Variants in CRMP1 observed in about 807,000 individuals in gnomAD.
CRMP1 encodes the protein collapsin response mediator protein 1.
CRMP1 carries 19 observed loss-of-function variants against 68.3 expected under a neutral mutation model. That is an observed-to-expected ratio of 0.28 (90% CI 0.19 to 0.41). The LOEUF is 0.41. Ranked by LOEUF, CRMP1 falls within the 10% of genes least tolerant of loss-of-function variation. The pLI, the probability that CRMP1 is intolerant of heterozygous loss-of-function variation, is 1.00. For missense variants in CRMP1, 791 were observed against 967.4 expected (o/e 0.82, Z 2.42); for synonymous variants, 439 against 399.6 (o/e 1.10, Z -1.18).
intron 13 of CRMP1, chr4:5,824,149 A>G (rs1038609876): frequency 4.9e-5 from 12 of 243,474 alleles, no homozygotes; most frequent in East Asian, 1.8e-4. Context: ...TTTAATTGCA[A>G]TTGTGCAGTG....
Position 5,866,451 on chromosome 4 carries a change from G to A in CRMP1, c.470+217C>T, listed in dbSNP as rs571964992. On this transcript the variant is annotated intron_variant, in intron 2 of 13. Coordinates refer to ENST00000324989, the MANE Select transcript of CRMP1 (RefSeq NM_001014809.3). This position sits in a 1 kb window ranked among gnomAD's most constrained non-coding sequence, Gnocchi z 5.9. ...TTGCAAGAGAGGAGCTGCCTCAGCC[G>A]TGTGGCAGGGAGCCTAGCCCGGGGG... is the stretch of plus-strand genomic sequence containing the variant. Among the ~76,000 whole-genome samples the A allele has an allele frequency of 5.9e-5, 9 of 152,220 alleles. No individual in the cohort carries two copies. In the South Asian group the frequency reaches 8.3e-4, roughly 14 times the overall value.
intron 5 of CRMP1, 129 bp from the exon 6 acceptor site, chr4:5,849,601 C>G: frequency 1.6e-6 from 1 of 630,550 alleles, no homozygotes; most frequent in East Asian, 2.8e-5. Context: ...CAAACACATT[C>G]ATGTGGATGG....
Position 5,841,237 on chromosome 4 carries a change from G to A in CRMP1, c.1153+71C>T, listed in dbSNP as rs1050844414. 5.6e-6 allele frequency: 9 copies of A among 1,611,954 alleles called. No homozygotes were observed. Among genetic ancestry groups the A allele is most frequent in the African/African-American group, 2.7e-5 (2 of 74,860 alleles). On this transcript the variant is annotated intron_variant, in intron 8 of 13. Transcript: ENST00000324989. This position sits in a 1 kb window ranked among gnomAD's most constrained non-coding sequence, Gnocchi z 6.9. The stretch of plus-strand genomic sequence containing the variant: ...TGCCTGTCTGAGTTCGGGAGGGAGT[G>A]AACTTGAACCTGCAGGACACCCCCT...
At chr4:5,874,024 T>C (rs1389806886) in intron 1 of CRMP1, among the ~76,000 whole-genome samples, 2 of 152,230 alleles carry the variant, frequency 1.3e-5, no homozygotes, top group Non-Finnish European at 2.9e-5. Flanking sequence ...CGTCTTTATC[T>C]TCTCCTCAAA....
intron 1 of CRMP1, among the ~76,000 whole-genome samples, chr4:5,875,729 G>A (rs1016524724): frequency 5.1e-5 from 5 of 97,772 alleles, no homozygotes; most frequent in East Asian, 4.2e-4. Context: ...GGTGCTGTCC[G>A]CGGTCCTGAA....
Position 5,828,635 on chromosome 4 carries a change from A to T in CRMP1, c.1657T>A (p.Cys553Ser). Reference protein sequence around the residue: ...VEYNIFEGMECHGSPLVVISQ... With the variant: ...VEYNIFEGMESHGSPLVVISQ... ...ATGACCACTAGTGGGGAGCCGTGGC[A>T]CTCCATACCCTCGAAGATGTTGTAC... The change falls in exon 12 of 14, where the codon TGC becomes AGC. Residue 553 changes from cysteine to serine, a missense_variant. Physicochemically the swap from Cys to Ser is moderately radical, Grantham distance 112. Transcript: ENST00000324989. The T allele has an allele frequency of 6.2e-7, 1 of 1,613,944 alleles. No homozygotes were observed. Among genetic ancestry groups the T allele is most frequent in the African/African-American group, 1.3e-5 (1 of 74,980 alleles).
chr4:5,833,797 C>A (rs1720540750), intron 11 of CRMP1, among the ~76,000 whole-genome samples: 1 of 152,136 alleles, frequency 6.6e-6, no homozygotes, highest in African/African-American at 2.4e-5. Flanking sequence ...GTAATCCCAG[C>A]ACTTTGGGAG....
chr4:5,828,797 CTT>C (rs1720091899), intron 11 of CRMP1, 129 bp from the exon 12 acceptor site: 5 of 1,118,276 alleles, frequency 4.5e-6, no homozygotes, highest in African/African-American at 3.3e-5. Context: ...CTAAAAATAC[CTT>C]TTATTGACTG....
chr4:5,873,823 A>T (rs1047118589), intron 1 of CRMP1, among the ~76,000 whole-genome samples: 1 of 152,158 alleles, frequency 6.6e-6, no homozygotes, highest in Admixed American at 6.5e-5. Flanking sequence ...GGGTGACCTC[A>T]AAGTGGGGAA....
At position 5,850,536 on chromosome 4, in the gene CRMP1, G is replaced by A. The variant is rs1712548088; in HGVS notation, c.882+872C>T. Among the ~76,000 whole-genome samples the A allele has an allele frequency of 6.6e-6, 1 of 152,106 alleles. No individual in the cohort carries two copies. The highest frequency in any genetic ancestry group is 6.6e-5 in the Admixed American group (1 of 15,246). On this transcript the variant is annotated intron_variant, in intron 5 of 13. Transcript: ENST00000324989. The surrounding 1 kb of genome is among the most constrained non-coding windows in gnomAD (Gnocchi z 4.4). ...TCTCCCGTTGCCCATCTATCTTCAT[G>A]GTAATAACCAATTACCCTGCTAACT... is the stretch of plus-strand genomic sequence containing the variant.
chr4:5,888,200 C>A lies in CRMP1; in HGVS notation c.381+4389G>T. 2 of 1,255,184 alleles carry A rather than the reference C, an allele frequency of 1.6e-6. No homozygotes were observed. The highest frequency in any genetic ancestry group is 2.0e-6 in the Non-Finnish European group (2 of 996,640). 77.8% of individuals were successfully genotyped at this position (1,255,184 alleles called of 1,614,324 possible). ...CACTCCCAGCCCACAAAGGCCAGCG[C>A]GGGGCGGCGGGGGCGGGGGCCGCTT... On this transcript the variant is annotated intron_variant, in intron 1 of 13. Coordinates refer to ENST00000324989, the MANE Select transcript of CRMP1 (RefSeq NM_001014809.3). The surrounding 1 kb of genome is among the most constrained non-coding windows in gnomAD (Gnocchi z 6.4).
chr4:5,828,899 A>G lies in CRMP1; in HGVS notation c.1624-231T>C, dbSNP rs532455810. Among the ~76,000 whole-genome samples, 8 of 151,858 alleles carry G rather than the reference A, an allele frequency of 5.3e-5. No homozygotes were observed. In the South Asian group the frequency reaches 1.2e-3, roughly 24 times the overall value. ...CCGGTGGCTTTCTATAATCAAATCAATATTGTTCTGGGGCATCACAAAGAG... is the reference window on the plus strand; with the variant it reads ...CCGGTGGCTTTCTATAATCAAATCAGTATTGTTCTGGGGCATCACAAAGAG... On this transcript the variant is annotated intron_variant, in intron 11 of 13. Transcript: ENST00000324989.
chr4:5,829,793 G>GGATA (rs1720224015), intron 11 of CRMP1, among the ~76,000 whole-genome samples: 3 of 152,266 alleles, frequency 2.0e-5, no homozygotes, highest in African/African-American at 7.2e-5. Context: ...CAGTTCCCAA[G>GGATA]AATAAACAGT....
chr4:5,855,862 T>C lies in CRMP1; in HGVS notation c.820+281A>G, dbSNP rs1713017895. On this transcript the variant is annotated intron_variant, in intron 4 of 13. Transcript: ENST00000324989. This position sits in a 1 kb window ranked among gnomAD's most constrained non-coding sequence, Gnocchi z 4.9. ...GCAGCCAGGCTAGTGATCCGGGTGA[T>C]GGAAAAGAAAAGTGAAGTTAGATCA... 6.6e-6 allele frequency among the ~76,000 whole-genome samples: 1 copy of C among 151,944 alleles called. No individual in the cohort carries two copies. Among genetic ancestry groups the C allele is most frequent in the Non-Finnish European group, 1.5e-5 (1 of 67,990 alleles).
rs1029745846 is a variant in CRMP1 at position 5,879,922 on chromosome 4, C to A, written c.381+12667G>T. On this transcript the variant is annotated intron_variant, in intron 1 of 13. Transcript: ENST00000324989. The surrounding 1 kb of genome is among the most constrained non-coding windows in gnomAD (Gnocchi z 4.2). ...GTAAAGGAAAACCTAACACCGTATGCGGAAATCATGATAGAGGAGGAATAA... is the reference window on the plus strand; with the variant it reads ...GTAAAGGAAAACCTAACACCGTATGAGGAAATCATGATAGAGGAGGAATAA... Among the ~76,000 whole-genome samples, 1 of 151,468 alleles carries A rather than the reference C, an allele frequency of 6.6e-6. No homozygotes were observed. Among genetic ancestry groups the A allele is most frequent in the Non-Finnish European group, 1.5e-5 (1 of 67,948 alleles).
rs573766307 is a variant in CRMP1, at chr4:5,843,764, A to C, written c.964-603T>G. On this transcript the variant is annotated intron_variant, in intron 6 of 13. Coordinates refer to ENST00000324989, the MANE Select transcript of CRMP1 (RefSeq NM_001014809.3). The surrounding 1 kb of genome is among the most constrained non-coding windows in gnomAD (Gnocchi z 4.1). ...ATGCTCAGCACAAAACCTGGAGCTG[A>C]GCGAGCACACGCTCATTAATTGGCA... Among the ~76,000 whole-genome samples, 2 of 152,146 alleles carry C rather than the reference A, an allele frequency of 1.3e-5. No individual in the cohort carries two copies. The highest frequency in any genetic ancestry group is 2.9e-5 in the Non-Finnish European group (2 of 68,032).
chr4:5,842,596 TCTCACACACACACACACACACTCA>T lies in CRMP1; in HGVS notation c.1032+473_1032+496del, dbSNP rs1236444444. On this transcript the variant is annotated intron_variant, in intron 7 of 13. Coordinates refer to ENST00000324989, the MANE Select transcript of CRMP1 (RefSeq NM_001014809.3). This position sits in a 1 kb window ranked among gnomAD's most constrained non-coding sequence, Gnocchi z 4.5. ...CACATGCACCCACACTCACACACTCTCTCACACACACACACACACACTCACTCACACACACACACACGCACTGTC... is the reference window on the plus strand; with the variant it reads ...CACATGCACCCACACTCACACACTCTCTCACACACACACACACGCACTGTC... Among the ~76,000 whole-genome samples the T allele has an allele frequency of 2.4e-4, 30 of 122,924 alleles. No individual in the cohort carries two copies. Among genetic ancestry groups the T allele is most frequent in the Admixed American group, 2.1e-3 (29 of 13,852 alleles). 80.6% of individuals were successfully genotyped at this position (122,924 alleles called of 152,430 possible).
chr4:5,866,646 A>G lies in CRMP1; in HGVS notation c.470+22T>C. On this transcript the variant is annotated intron_variant, in intron 2 of 13. Coordinates refer to ENST00000324989, the MANE Select transcript of CRMP1 (RefSeq NM_001014809.3). The surrounding 1 kb of genome is among the most constrained non-coding windows in gnomAD (Gnocchi z 5.9). Reference sequence around the variant, plus strand: ...AGCCTGGCGACACAGGTTTCTTAAAAGGTCCGTTTTGATCAACCCACTTGA... The same window carrying G: ...AGCCTGGCGACACAGGTTTCTTAAAGGGTCCGTTTTGATCAACCCACTTGA... The G allele has an allele frequency of 6.3e-7, 1 of 1,589,020 alleles. No homozygotes were observed. Among genetic ancestry groups the G allele is most frequent in the Non-Finnish European group, 8.6e-7 (1 of 1,162,408 alleles).
Position 5,825,377 on chromosome 4 carries a change from T to C in CRMP1, c.1969+117A>G. On this transcript the variant is annotated intron_variant, in intron 13 of 13. Coordinates refer to ENST00000324989, the MANE Select transcript of CRMP1 (RefSeq NM_001014809.3). This position sits in a 1 kb window ranked among gnomAD's most constrained non-coding sequence, Gnocchi z 4.4. ...GCAGGCTCGGGTGGGGCACACTCCC[T>C]TCCCTGCTTCTTCATCTAGTGTCCA... 1.4e-6 allele frequency: 2 copies of C among 1,460,644 alleles called. No individual in the cohort carries two copies. The highest frequency in any genetic ancestry group is 1.8e-6 in the Non-Finnish European group (2 of 1,113,826). 90.5% of individuals were successfully genotyped at this position (1,460,644 alleles called of 1,614,324 possible). A position where few individuals can be genotyped will look rare whatever the true frequency, so the allele number is the denominator to read the frequency against.
Sources: allele counts gnomAD v4.1 joint callset (sites outside exome capture counted in the v4.1 genomes callset), GRCh38; gene constraint gnomAD v4.1.1; non-coding constraint Gnocchi (gnomAD v3.1); transcripts MANE v1.5; gene names NCBI Gene and HGNC (gene_info 2026-07-23, HGNC 2026-07-21).